Variants in MLLT3 observed in about 807,000 individuals in gnomAD.
MLLT3 encodes MLLT3 super elongation complex subunit, also known as protein AF-9.
A neutral mutation model predicts 53.2 loss-of-function variants in MLLT3; 4 were observed. The ratio of observed to expected loss-of-function variants is 0.08; its 90% CI spans 0.04 to 0.17. MLLT3 has a LOEUF of 0.17. Ranked by LOEUF, MLLT3 falls within the 10% of genes least tolerant of loss-of-function variation. The probability of loss-of-function intolerance (pLI) is 1.00; values close to 1 mark genes in which losing one functional copy is unlikely to be tolerated. For missense variants in MLLT3, 569 were observed against 684.0 expected, an observed-to-expected ratio of 0.83 and a Z score of 1.87; for synonymous variants, 283 against 230.6, an observed-to-expected ratio of 1.23 and a Z score of -2.06.
intron 5 of MLLT3, among the ~76,000 whole-genome samples, chr9:20,402,786 T>C (rs1822488247): frequency 6.6e-6 from 1 of 152,152 alleles, no homozygotes; most frequent in South Asian, 2.1e-4. Flanking sequence ...ATGACATCCT[T>C]TGGGATTTGC....
chr9:20,406,183 G>A (rs1822573107), intron 5 of MLLT3, among the ~76,000 whole-genome samples: 1 of 152,136 alleles, frequency 6.6e-6, no homozygotes, highest in Non-Finnish European at 1.5e-5. Flanking sequence ...GCTGAGGCAG[G>A]AGGATCACTA....
chr9:20,483,351 T>C (rs371012944), intron 2 of MLLT3, among the ~76,000 whole-genome samples: 47 of 151,818 alleles, frequency 3.1e-4, no homozygotes, highest in African/African-American at 1.0e-3. Flanking sequence ...TGATCTCCCA[T>C]CTCAGCCTCG....
At chr9:20,581,236 A>C (rs1819783830) in intron 2 of MLLT3, among the ~76,000 whole-genome samples, 8 of 152,188 alleles carry the variant, frequency 5.3e-5, no homozygotes. Flanking sequence ...GAGAGTGGTA[A>C]GTTAGTGTTT....
rs150989624 is a variant in MLLT3 at position 20,555,301 on chromosome 9, A to G, written c.193+65353T>C. ...CTGTAAGTATTAGCCTCCAACCTAA[A>G]TTTTTAGAGCTGAAACTGAGTTCTA... On this transcript the variant is annotated intron_variant, in intron 2 of 10. Transcript: ENST00000380338. Among the ~76,000 whole-genome samples the G allele has an allele frequency of 7.9e-5, 12 of 152,090 alleles. No homozygotes were observed. In the East Asian group the frequency reaches 2.1e-3, roughly 27 times the overall value.
chr9:20,456,856 A>C, intron 2 of MLLT3, 70 bp from the exon 3 acceptor site: 1 of 1,228,582 alleles, frequency 8.1e-7, no homozygotes, highest in South Asian at 1.3e-5. Context: ...TTTTAAAAAA[A>C]AAAATCCCAT....
chr9:20,414,357 GCTGCTGCTGCTGCTGCTGCTA>G lies in MLLT3; in HGVS notation c.468_488del (p.Ser184_Ser190del), dbSNP rs1341415259. On this transcript the variant is annotated inframe_deletion, in exon 5 of 11. Coordinates refer to ENST00000380338, the MANE Select transcript of MLLT3 (RefSeq NM_004529.4). ...TGCTGCTGCTGCTACTGCTGCTGCTGCTGCTGCTGCTGCTGCTGCTACTGCTGCTGCTGCTGCTGCTGCTGG... is the reference window on the plus strand; with the variant it reads ...TGCTGCTGCTGCTACTGCTGCTGCTGCTGCTGCTGCTGCTGCTGCTGCTGG... 29 of 1,603,512 alleles carry G rather than the reference GCTGCTGCTGCTGCTGCTGCTA, an allele frequency of 1.8e-5. 1 individual carries two copies. The highest frequency in any genetic ancestry group is 6.7e-5 in the African/African-American group (5 of 74,478).
Position 20,621,825 on chromosome 9 carries a change from C to T in MLLT3, c.12+420G>A, listed in dbSNP as rs1200749793. On this transcript the variant is annotated intron_variant, in intron 1 of 10. Transcript: ENST00000380338. The surrounding 1 kb of genome is among the most constrained non-coding windows in gnomAD (Gnocchi z 7.0). ...AGGTGCGGCCGCCGAGGCTGCTCGC[C>T]GCGTCCCCGGACTGTGCCCGCAGCT... 4.2e-6 allele frequency: 6 copies of T among 1,426,334 alleles called. No individual in the cohort carries two copies. The highest frequency in any genetic ancestry group is 3.0e-5 in the African/African-American group (2 of 66,342). 88.4% of individuals were successfully genotyped at this position (1,426,334 alleles called of 1,614,324 possible).
At chr9:20,584,437 A>T (rs935954439) in intron 2 of MLLT3, among the ~76,000 whole-genome samples, 2 of 152,190 alleles carry the variant, frequency 1.3e-5, no homozygotes, top group Non-Finnish European at 1.5e-5. Flanking sequence ...TACTGGTACC[A>T]ATTTACTGTA....
At chr9:20,422,503 A>G (rs1036802744) in intron 4 of MLLT3, among the ~76,000 whole-genome samples, 12 of 152,206 alleles carry the variant, frequency 7.9e-5, no homozygotes, top group Non-Finnish European at 1.5e-4. Flanking sequence ...AGAAATACAA[A>G]TAAGTCTGGA....
At chr9:20,409,465 T>G (rs1001095082) in intron 5 of MLLT3, among the ~76,000 whole-genome samples, 2 of 152,212 alleles carry the variant, frequency 1.3e-5, no homozygotes, top group Non-Finnish European at 2.9e-5. Flanking sequence ...AATACAATTA[T>G]AAACCTTTAG....
chr9:20,618,307 A>G (rs567153736), intron 2 of MLLT3, among the ~76,000 whole-genome samples: 9 of 152,208 alleles, frequency 5.9e-5, no homozygotes, highest in Non-Finnish European at 8.8e-5. Context: ...TTCTTATTCT[A>G]TATTTATTCT....
chr9:20,395,217 G>T (rs145100078), intron 5 of MLLT3, among the ~76,000 whole-genome samples: 282 of 152,214 alleles, frequency 1.9e-3, no homozygotes, highest in African/African-American at 6.1e-3. Flanking sequence ...CTTCTCCCCT[G>T]GCCTCCAACT....
At chr9:20,555,618 T>C (rs1487780010) in intron 2 of MLLT3, among the ~76,000 whole-genome samples, 1 of 152,150 alleles carries the variant, frequency 6.6e-6, no homozygotes, top group Non-Finnish European at 1.5e-5. Context: ...CCTTGTAAAA[T>C]AATATGCCTG....
chr9:20,430,494 G>C (rs1018237635), intron 4 of MLLT3, among the ~76,000 whole-genome samples: 1 of 152,112 alleles, frequency 6.6e-6, no homozygotes, highest in Non-Finnish European at 1.5e-5. Flanking sequence ...GCTGATGCTT[G>C]ACATGGCGGA....
chr9:20,561,262 T>C (rs1293289108), intron 2 of MLLT3, among the ~76,000 whole-genome samples: 1 of 152,126 alleles, frequency 6.6e-6, no homozygotes, highest in Non-Finnish European at 1.5e-5. Context: ...GCACTATATA[T>C]ATAGACAAAA....
At chr9:20,352,909 G>C (rs1821069817) in intron 10 of MLLT3, among the ~76,000 whole-genome samples, 1 of 151,892 alleles carries the variant, frequency 6.6e-6, no homozygotes, top group Non-Finnish European at 1.5e-5. Flanking sequence ...GTGCAACAGA[G>C]GCATACATCA....
chr9:20,531,720 T>C (rs1818341008), intron 2 of MLLT3, among the ~76,000 whole-genome samples: 1 of 152,192 alleles, frequency 6.6e-6, no homozygotes, highest in Non-Finnish European at 1.5e-5. Flanking sequence ...AAATTGTTGA[T>C]TCCCTGCCAT....
At chr9:20,459,448 T>G (rs1490210343) in intron 2 of MLLT3, among the ~76,000 whole-genome samples, 1 of 152,166 alleles carries the variant, frequency 6.6e-6, no homozygotes, top group African/African-American at 2.4e-5. Context: ...CACCCCACCT[T>G]AGCAAGAAGG....
rs1464281441 is a variant in MLLT3 at position 20,343,967 on chromosome 9, CA to C, written c.*2475del. On this transcript the variant is annotated 3_prime_UTR_variant, in exon 11 of 11. Transcript: ENST00000380338. ...TTAGATGAGAGCAAGATTACCACTT[CA>C]AAAAAAATAACGTAACTCTCAGTCT... 73 of 202,538 alleles carry C rather than the reference CA, an allele frequency of 3.6e-4. 1 individual carries two copies. The South Asian group carries it at 4.6e-3, about 13-fold the overall frequency. The allele number at this position is 202,538 out of a possible 1,614,324, so 12.5% of individuals were successfully genotyped here.
Sources: gnomAD v4.1 joint callset for allele counts (sites outside exome capture counted in the v4.1 genomes callset) on GRCh38, gnomAD v4.1.1 for gene constraint, Gnocchi (gnomAD v3.1) non-coding constraint, MANE v1.5 for transcripts, NCBI Gene and HGNC (gene_info 2026-07-23, HGNC 2026-07-21) for gene names.